CAPN1: variants seen among roughly 807,000 people sequenced by gnomAD.
CAPN1 encodes the protein calpain 1, also known as calpain-1 catalytic subunit.
In CAPN1, 77 loss-of-function variants were observed where a neutral mutation model predicts 105.2. The ratio of observed to expected loss-of-function variants is 0.73; its 90% confidence interval spans 0.61 to 0.88. The LOEUF is 0.88. Among genes scored for constraint, CAPN1 ranks in the 40% least tolerant of loss-of-function variants. The probability of loss-of-function intolerance (pLI) is 0.00; values close to 1 mark genes in which losing one functional copy is unlikely to be tolerated. For synonymous variants in CAPN1, 355 were observed against 388.8 expected, an observed-to-expected ratio of 0.91 and a Z score of 1.02; for missense variants, 833 against 976.6, an observed-to-expected ratio of 0.85 and a Z score of 1.96.
Position 65,204,073 on chromosome 11 carries a change from C to T in CAPN1, c.1166-610C>T, listed in dbSNP as rs1045947868. On this transcript the variant is annotated intron_variant, in intron 10 of 21. Transcript: ENST00000279247. ...TTGCTGGCTGGCTGTGGCCTCCTGT[C>T]GGACCCCTGCTTTTTCTCTTGCCTT... 6.6e-5 allele frequency among the ~76,000 whole-genome samples: 10 copies of T among 152,280 alleles called. No individual in the cohort carries two copies. The South Asian group carries it at 1.2e-3, about 19-fold the overall frequency.
intron 10 of CAPN1, among the ~76,000 whole-genome samples, chr11:65,195,799 G>A (rs1948785976): frequency 6.6e-6 from 1 of 152,124 alleles, no homozygotes; most frequent in South Asian, 2.1e-4. Flanking sequence ...AAGAGTTTGA[G>A]GATTGGTGTT....
rs1948990233 is a variant in CAPN1 at position 65,208,145 on chromosome 11, G to A, written c.1671+25G>A. 1 of 1,602,288 alleles carries A rather than the reference G, an allele frequency of 6.2e-7. No homozygotes were observed. The highest frequency in any genetic ancestry group is 1.1e-5 in the South Asian group (1 of 88,922). The stretch of plus-strand genomic sequence containing the variant: ...GGTAGGTTGGGGCATGGCAGGTTGG[G>A]AGGGGCCTGTGAGGGGCAGCCCTCT... On this transcript the variant is annotated intron_variant, in intron 15 of 21. Transcript: ENST00000279247. The surrounding 1 kb of genome is among the most constrained non-coding windows in gnomAD (Gnocchi z 4.1).
rs1281008311 is a variant in CAPN1 at position 65,208,501 on chromosome 11, C to T, written c.1729+239C>T. On this transcript the variant is annotated intron_variant, in intron 16 of 21. Transcript: ENST00000279247. This position sits in a 1 kb window ranked among gnomAD's most constrained non-coding sequence, Gnocchi z 4.1. ...TGTGGGATTAGCAGCGCAGCCTGGC[C>T]AGGCACAGTGGCTCACACCTGTAGT... 1 of 585,262 alleles carries T rather than the reference C, an allele frequency of 1.7e-6. No individual in the cohort carries two copies. 36.3% of individuals were successfully genotyped at this position (585,262 alleles called of 1,614,324 possible).
In CAPN1 at chr11:65,206,383, T is replaced by C. The variant is rs1186641143; in HGVS notation, c.1354-80T>C. ...AGCCCCTTGGCCAGGACAAGGAGCC[T>C]GGAGTCTGGGTCTGGGGGTGGCCCC... On this transcript the variant is annotated intron_variant, in intron 12 of 21. Coordinates refer to ENST00000279247, the MANE Select transcript of CAPN1 (RefSeq NM_005186.4). 1.7e-5 allele frequency: 19 copies of C among 1,101,010 alleles called. No homozygotes were observed. The East Asian group carries it at 4.5e-4, about 26-fold the overall frequency. 68.2% of individuals were successfully genotyped at this position (1,101,010 alleles called of 1,614,324 possible). A position where few individuals can be genotyped will look rare whatever the true frequency, so the allele number is the denominator to read the frequency against.
At chr11:65,203,183 C>T (rs1948896572) in intron 10 of CAPN1, among the ~76,000 whole-genome samples, 1 of 132,054 alleles carries the variant, frequency 7.6e-6, no homozygotes, top group Non-Finnish European at 1.6e-5. Context: ...AATAATGCAG[C>T]CATTAACATT....
chr11:65,199,155 AT>A (rs1417007968), intron 10 of CAPN1, among the ~76,000 whole-genome samples: 2 of 151,996 alleles, frequency 1.3e-5, no homozygotes, highest in Non-Finnish European at 2.9e-5. Flanking sequence ...TTGTATTTTT[AT>A]TTTTTAGCAA....
At chr11:65,211,055 G>A (rs1949041227) in intron 21 of CAPN1, 183 bp downstream of exon 21, 1 of 740,838 alleles carries the variant, frequency 1.3e-6, no homozygotes, top group East Asian at 2.7e-5. Flanking sequence ...AAAGGAGCAG[G>A]AGGGGAGGTC....
chr11:65,202,764 C>T (rs184104093), intron 10 of CAPN1, among the ~76,000 whole-genome samples: 2 of 152,188 alleles, frequency 1.3e-5, no homozygotes, highest in Non-Finnish European at 2.9e-5. Context: ...TTTAAATATA[C>T]TATTAAATAT....
chr11:65,210,013 C>G lies in CAPN1; in HGVS notation c.1864-5C>G, dbSNP rs183407473. On this transcript the variant is annotated splice_region_variant and splice_polypyrimidine_tract_variant and intron_variant, in intron 18 of 21. Transcript: ENST00000279247. This position sits in a 1 kb window ranked among gnomAD's most constrained non-coding sequence, Gnocchi z 4.3. ...CCTGGCCCTCACCCTCTGCCGCCAC[C>G]TCAGTCCATCTTCCGGAAGTTTGAC... 1.3e-5 allele frequency: 21 copies of G among 1,613,102 alleles called. No individual in the cohort carries two copies. Among genetic ancestry groups the G allele is most frequent in the Middle Eastern group, 1.6e-4 (1 of 6,080 alleles).
intron 4 of CAPN1, among the ~76,000 whole-genome samples, chr11:65,185,293 A>G (rs769123605): frequency 8.6e-5 from 13 of 152,026 alleles, no homozygotes; most frequent in Non-Finnish European, 1.8e-4. Flanking sequence ...AAATCAGGTT[A>G]TAGTGGCAAG....
chr11:65,198,143 T>C lies in CAPN1; in HGVS notation c.1166-6540T>C, dbSNP rs1488262291. Among the ~76,000 whole-genome samples the C allele has an allele frequency of 3.4e-4, 6 of 17,636 alleles. No individual in the cohort carries two copies. In the Admixed American group the frequency reaches 4.8e-3, roughly 14 times the overall value. 11.6% of individuals were successfully genotyped at this position (17,636 alleles called of 152,430 possible). A position where few individuals can be genotyped will look rare whatever the true frequency, so the allele number is the denominator to read the frequency against. Reference sequence around the variant, plus strand: ...ATACTAAAGTTAGTTAATCAGTGTCTTTTTTTTTTTTCTCTGAGACAGGGT... The same window carrying C: ...ATACTAAAGTTAGTTAATCAGTGTCCTTTTTTTTTTTCTCTGAGACAGGGT... On this transcript the variant is annotated intron_variant, in intron 10 of 21. Coordinates refer to ENST00000279247, the MANE Select transcript of CAPN1 (RefSeq NM_005186.4).
At chr11:65,204,635 G>T (rs1322044756) in intron 10 of CAPN1, 48 bp from the exon 11 acceptor site, 1 of 1,570,004 alleles carries the variant, frequency 6.4e-7, no homozygotes, top group African/African-American at 1.3e-5. Flanking sequence ...GGGCCAATTG[G>T]CTCTGCCCCG....
chr11:65,195,032 T>C (rs1358766713), intron 10 of CAPN1, among the ~76,000 whole-genome samples: 2 of 152,094 alleles, frequency 1.3e-5, no homozygotes, highest in African/African-American at 4.8e-5. Context: ...TCAACACTAG[T>C]TATTGCTCTT....
chr11:65,192,058 AC>A (rs1355626674), intron 10 of CAPN1, among the ~76,000 whole-genome samples: 1 of 152,092 alleles, frequency 6.6e-6, no homozygotes, highest in Admixed American at 6.6e-5. Flanking sequence ...ATACAGTGAG[AC>A]CTCATCTCTA....
chr11:65,207,960 T>C (rs1948986336), intron 14 of CAPN1, 95 bp from the exon 15 acceptor site: 2 of 803,776 alleles, frequency 2.5e-6, no homozygotes, highest in Non-Finnish European at 4.0e-6. Flanking sequence ...CGAAGTGACT[T>C]GTAGCAGATA....
At chr11:65,186,418 C>A (rs1344006789) in intron 6 of CAPN1, 80 bp downstream of exon 6, 2 of 1,290,440 alleles carry the variant, frequency 1.5e-6, no homozygotes, top group Admixed American at 2.3e-5. Context: ...AATCCCCACC[C>A]AGGCTCCGCT....
At chr11:65,205,363 C>A (rs1453352007) in intron 11 of CAPN1, among the ~76,000 whole-genome samples, 1 of 152,206 alleles carries the variant, frequency 6.6e-6, no homozygotes, top group African/African-American at 2.4e-5. Flanking sequence ...TCCCTGGTCG[C>A]AGTCTTGGCC....
chr11:65,182,757 A>G lies in CAPN1; in HGVS notation c.56A>G (p.Gln19Arg), dbSNP rs1280186262. The G allele has an allele frequency of 1.3e-6, 2 of 1,582,110 alleles. No homozygotes were observed. Among genetic ancestry groups the G allele is most frequent in the Non-Finnish European group, 1.7e-6 (2 of 1,164,732 alleles). ...TGCACTGGGGTGTCAGCCCAAGTGC[A>G]GAAGCAGCGGGCCAGGGAGCTGGGC... ...VYCTGVSAQV[Q>R]KQRARELGLG... Residue 19 changes from glutamine to arginine, a missense_variant, in exon 2 of 22, where the codon CAG becomes CGG. Coordinates refer to ENST00000279247, the MANE Select transcript of CAPN1 (RefSeq NM_005186.4).
rs1191746425 is a variant in CAPN1, at chr11:65,210,882, T to A, written c.2118+10T>A. On this transcript the variant is annotated intron_variant, in intron 21 of 21. Coordinates refer to ENST00000279247, the MANE Select transcript of CAPN1 (RefSeq NM_005186.4). The surrounding 1 kb of genome is among the most constrained non-coding windows in gnomAD (Gnocchi z 4.3). ...CTTTGACTTGTTTAAGGTGGGAACC[T>A]CCCTGGGCCCATGGTTGGGGAAGAG... 6.2e-7 allele frequency: 1 copy of A among 1,608,146 alleles called. No homozygotes were observed. Among genetic ancestry groups the A allele is most frequent in the South Asian group, 1.1e-5 (1 of 90,930 alleles).
Sources: allele counts gnomAD v4.1 joint callset (sites outside exome capture counted in the v4.1 genomes callset), GRCh38; gene constraint gnomAD v4.1.1; non-coding constraint Gnocchi (gnomAD v3.1); transcripts MANE v1.5; gene names NCBI Gene and HGNC (gene_info 2026-07-23, HGNC 2026-07-21).